The following RALGAPA2 variants were observed in gnomAD, a reference collection of about 807,000 sequenced individuals.
RALGAPA2 encodes Ral GTPase activating protein catalytic subunit alpha 2.
RALGAPA2 carries 139 observed loss-of-function variants against 230.4 expected under a neutral mutation model. That is an observed-to-expected ratio of 0.60 (90% CI 0.53 to 0.69). The LOEUF is 0.69. RALGAPA2 is among the 30% of genes least tolerant of loss of function. The pLI is 0.00. For synonymous variants in RALGAPA2, 847 were observed against 837.8 expected, an observed-to-expected ratio of 1.01 and a Z score of -0.19; for missense variants, 2,163 against 2,276.0, an observed-to-expected ratio of 0.95 and a Z score of 1.01.
At chr20:20,614,729 G>C (rs1323344307) in intron 13 of RALGAPA2, among the ~76,000 whole-genome samples, 1 of 152,160 alleles carries the variant, frequency 6.6e-6, no homozygotes, top group Admixed American at 6.5e-5. Flanking sequence ...ACAAGAATTG[G>C]ACTTGGTGGC....
At chr20:20,598,592 G>A (rs2065534685) in intron 16 of RALGAPA2, 1 of 359,180 alleles carries the variant, frequency 2.8e-6, no homozygotes, top group Non-Finnish European at 5.6e-6. Flanking sequence ...TGTGTGATGT[G>A]GGGATATTAA....
intron 10 of RALGAPA2, among the ~76,000 whole-genome samples, chr20:20,629,147 T>C (rs918380138): frequency 2.0e-5 from 3 of 152,192 alleles, no homozygotes; most frequent in African/African-American, 7.2e-5. Context: ...CTTGTGTAAA[T>C]ATTTTGCAAC....
intron 35 of RALGAPA2, among the ~76,000 whole-genome samples, chr20:20,502,426 T>C (rs186118210): frequency 6.6e-6 from 1 of 152,346 alleles, no homozygotes; most frequent in African/African-American, 2.4e-5. Context: ...CCAGGCACCG[T>C]GCTAAGCAAT....
At chr20:20,554,031 A>G (rs915982427) in intron 23 of RALGAPA2, among the ~76,000 whole-genome samples, 9 of 152,216 alleles carry the variant, frequency 5.9e-5, no homozygotes, top group Admixed American at 3.3e-4. Context: ...TTCACCCTAT[A>G]AAGTGTACAA....
intron 37 of RALGAPA2, among the ~76,000 whole-genome samples, chr20:20,434,184 T>A (rs1439774958): frequency 6.6e-6 from 1 of 152,010 alleles, no homozygotes; most frequent in Non-Finnish European, 1.5e-5. Context: ...TAAAACAAAT[T>A]TTAATACACA....
chr20:20,442,696 C>T (rs558225713), intron 37 of RALGAPA2, among the ~76,000 whole-genome samples: 10 of 152,326 alleles, frequency 6.6e-5, no homozygotes, highest in African/African-American at 2.4e-4. Flanking sequence ...ATAAGATCCA[C>T]CTTGAACAAG....
Position 20,640,727 on chromosome 20 carries a change from A to G in RALGAPA2, c.524T>C (p.Ile175Thr). 6.2e-7 allele frequency: 1 copy of G among 1,613,824 alleles called. No individual in the cohort carries two copies. The highest frequency in any genetic ancestry group is 1.1e-5 in the South Asian group (1 of 91,062). The change falls in exon 6 of 40, where the codon ATC (isoleucine) becomes ACC (threonine). Residue 175 changes from isoleucine (I) to threonine (T), a missense_variant. Transcript: ENST00000202677. ...ATCAGCTACACTAGGGCTGGGATTGATGAGTGTCTCCAGTGTGCAAGGGCC... is the reference window on the plus strand; with the variant it reads ...ATCAGCTACACTAGGGCTGGGATTGGTGAGTGTCTCCAGTGTGCAAGGGCC... Reference protein sequence around the residue: ...SRGPCTLETLINPSPSVADVK... With the variant: ...SRGPCTLETLTNPSPSVADVK...
At chr20:20,425,645 C>T (rs775622450) in intron 37 of RALGAPA2, among the ~76,000 whole-genome samples, 1 of 152,192 alleles carries the variant, frequency 6.6e-6, no homozygotes, top group African/African-American at 2.4e-5. Flanking sequence ...GGTTGCCAAG[C>T]GGCCTTCCTG....
At chr20:20,479,661 G>A (rs1213185252) in intron 36 of RALGAPA2, among the ~76,000 whole-genome samples, 9 of 152,198 alleles carry the variant, frequency 5.9e-5, no homozygotes, top group Admixed American at 5.9e-4. Context: ...CAGAATTCCA[G>A]AGCAACCACT....
intron 23 of RALGAPA2, among the ~76,000 whole-genome samples, chr20:20,566,840 A>G (rs1217000603): frequency 6.6e-6 from 1 of 152,214 alleles, no homozygotes; most frequent in Non-Finnish European, 1.5e-5. Flanking sequence ...CTATTACACT[A>G]GATCTTAACT....
chr20:20,396,867 G>A lies in RALGAPA2; in HGVS notation c.5618-133C>T. On this transcript the variant is annotated intron_variant, in intron 38 of 39. Coordinates refer to ENST00000202677, the MANE Select transcript of RALGAPA2 (RefSeq NM_020343.4). ...AGCATTTCTGCAGCCTTGTCAATCA[G>A]TAAAAACTGAACATTCACTTGAAAA... 5.5e-6 allele frequency: 4 copies of A among 733,864 alleles called. No homozygotes were observed. In the South Asian group the frequency reaches 7.2e-5, roughly 13 times the overall value. The allele number at this position is 733,864 out of a possible 1,614,324, so 45.5% of individuals were successfully genotyped here. A position where few individuals can be genotyped will look rare whatever the true frequency, so the allele number is the denominator to read the frequency against.
chr20:20,690,795 T>C (rs909480582), intron 1 of RALGAPA2, among the ~76,000 whole-genome samples: 3 of 152,162 alleles, frequency 2.0e-5, no homozygotes, highest in Non-Finnish European at 4.4e-5. Context: ...CAGACCATTC[T>C]GGTCCTTCCC....
At chr20:20,456,810 C>T in intron 37 of RALGAPA2, among the ~76,000 whole-genome samples, 1 of 152,100 alleles carries the variant, frequency 6.6e-6, no homozygotes, top group Non-Finnish European at 1.5e-5. Flanking sequence ...TGCCTTTAAA[C>T]ATTTCTGCAA....
At chr20:20,592,984 C>T (rs1373097790) in intron 16 of RALGAPA2, among the ~76,000 whole-genome samples, 1 of 151,554 alleles carries the variant, frequency 6.6e-6, no homozygotes, top group Non-Finnish European at 1.5e-5. Flanking sequence ...GTGGTGTGAT[C>T]ACAGCTCACT....
At chr20:20,540,844 T>C (rs1374069963) in intron 24 of RALGAPA2, among the ~76,000 whole-genome samples, 1 of 152,042 alleles carries the variant, frequency 6.6e-6, no homozygotes, top group Non-Finnish European at 1.5e-5. Context: ...TTAATATACA[T>C]ATTGATCCTT....
In RALGAPA2 at chr20:20,620,411, C is replaced by T. The variant is rs1319992294; in HGVS notation, c.1401+52G>A. 41 of 1,566,068 alleles carry T rather than the reference C, an allele frequency of 2.6e-5. No individual in the cohort carries two copies. In the East Asian group the frequency reaches 9.2e-4, roughly 35 times the overall value. On this transcript the variant is annotated intron_variant, in intron 11 of 39. Transcript: ENST00000202677. ...CAAGACTCTTGACTGAGCAAGTATA[C>T]TTTACTAAAATATATTTACCCTCAA...
chr20:20,464,398 C>A (rs1323764079), intron 37 of RALGAPA2, among the ~76,000 whole-genome samples: 1 of 152,126 alleles, frequency 6.6e-6, no homozygotes, highest in African/African-American at 2.4e-5. Context: ...AAACAAAAAA[C>A]CACAACTAGG....
At chr20:20,543,823 T>A (rs958052662) in intron 24 of RALGAPA2, among the ~76,000 whole-genome samples, 2 of 151,944 alleles carry the variant, frequency 1.3e-5, no homozygotes, top group Admixed American at 6.6e-5. Context: ...GACACATGTA[T>A]ACATATGTAA....
At chr20:20,595,151 AT>A (rs200359246) in intron 16 of RALGAPA2, among the ~76,000 whole-genome samples, 31 of 150,870 alleles carry the variant, frequency 2.1e-4, no homozygotes, top group South Asian at 2.1e-4. Flanking sequence ...AGTAACTTCT[AT>A]TTTTTTTTCC....
Sources: gnomAD v4.1 joint callset for allele counts (sites outside exome capture counted in the v4.1 genomes callset) on GRCh38, gnomAD v4.1.1 for gene constraint, MANE v1.5 for transcripts, NCBI Gene and HGNC (gene_info 2026-07-23, HGNC 2026-07-21) for gene names.